The following ZHX3 variants were observed in gnomAD, a reference collection of about 807,000 sequenced individuals.
ZHX3 encodes the protein zinc fingers and homeoboxes 3, also known as zinc fingers and homeoboxes protein 3.
In ZHX3, 20 loss-of-function variants were observed where a neutral mutation model predicts 64.5. The ratio of observed to expected loss-of-function variants is 0.31; its 90% confidence interval spans 0.22 to 0.45. The LOEUF is 0.45. Among genes scored for constraint, ZHX3 ranks in the 20% least tolerant of loss-of-function variants. ZHX3 has a pLI of 1.00. For missense variants in ZHX3, 1,041 were observed against 1,195.8 expected, an observed-to-expected ratio of 0.87 and a Z score of 1.91; for synonymous variants, 423 against 461.6, an observed-to-expected ratio of 0.92 and a Z score of 1.07.
At chr20:41,270,211 A>C (rs1443915708) in intron 1 of ZHX3, among the ~76,000 whole-genome samples, 1 of 148,730 alleles carries the variant, frequency 6.7e-6, no homozygotes, top group African/African-American at 2.5e-5. Flanking sequence ...CAACATGGTG[A>C]AACCCCGTCT....
chr20:41,260,180 GA>G (rs1555853862), intron 2 of ZHX3, among the ~76,000 whole-genome samples: 347 of 103,242 alleles, frequency 3.4e-3, no homozygotes, highest in East Asian at 9.1e-3. Context: ...AGCCAAATGT[GA>G]AAAAAAAAAA....
intron 2 of ZHX3, among the ~76,000 whole-genome samples, chr20:41,267,208 CT>C (rs1239669023): frequency 2.0e-5 from 3 of 151,946 alleles, no homozygotes; most frequent in Non-Finnish European, 4.4e-5. Context: ...TATTTTATGT[CT>C]TTTTTTTAGT....
At chr20:41,294,476 C>T (rs1234646932) in intron 1 of ZHX3, among the ~76,000 whole-genome samples, 1 of 152,122 alleles carries the variant, frequency 6.6e-6, no homozygotes, top group African/African-American at 2.4e-5. Context: ...ATTCTCCTGC[C>T]TCAGCCTCCC....
chr20:41,221,957 T>C (rs1326969944), intron 2 of ZHX3, among the ~76,000 whole-genome samples: 4 of 152,200 alleles, frequency 2.6e-5, no homozygotes, highest in Non-Finnish European at 4.4e-5. Context: ...TCCATGCAGG[T>C]CCACTGCCAT....
At chr20:41,242,048 G>T (rs187549538) in intron 2 of ZHX3, among the ~76,000 whole-genome samples, 1 of 152,054 alleles carries the variant, frequency 6.6e-6, no homozygotes, top group East Asian at 1.9e-4. Context: ...ATATTTGAGT[G>T]CTACTAGATG....
At chr20:41,249,155 T>A (rs1006311593) in intron 2 of ZHX3, among the ~76,000 whole-genome samples, 1 of 152,034 alleles carries the variant, frequency 6.6e-6, no homozygotes, top group Non-Finnish European at 1.5e-5. Flanking sequence ...CATTCACAAA[T>A]GGAAAATGTT....
chr20:41,249,981 G>A (rs1209092822), intron 2 of ZHX3, among the ~76,000 whole-genome samples: 1 of 152,116 alleles, frequency 6.6e-6, no homozygotes, highest in Non-Finnish European at 1.5e-5. Context: ...ACAATACCAA[G>A]CCAGCTGGAA....
intron 3 of ZHX3, among the ~76,000 whole-genome samples, chr20:41,186,156 C>G (rs1056082836): frequency 3.3e-5 from 5 of 152,204 alleles, no homozygotes; most frequent in Admixed American, 6.5e-5. Flanking sequence ...AACAACTCCC[C>G]ATGTCCTCCA....
intron 2 of ZHX3, among the ~76,000 whole-genome samples, chr20:41,211,883 T>C (rs1481448554): frequency 6.6e-6 from 1 of 152,216 alleles, no homozygotes; most frequent in Non-Finnish European, 1.5e-5. Context: ...GTATATATCA[T>C]TGGCAAACAT....
At chr20:41,193,345 G>T (rs1418008402) in intron 3 of ZHX3, among the ~76,000 whole-genome samples, 1 of 152,252 alleles carries the variant, frequency 6.6e-6, no homozygotes, top group African/African-American at 2.4e-5. Context: ...ACATTTTGTT[G>T]TTTTCAAGAT....
rs183157488 is a variant in ZHX3 at position 41,206,580 on chromosome 20, G to T, written c.-150-1514C>A. Reference sequence around the variant, plus strand: ...TGATTGAAGATCAAATTAATGAAATGAAGCGAGAAGTTTAGAGAGAAAAGA... The same window carrying T: ...TGATTGAAGATCAAATTAATGAAATTAAGCGAGAAGTTTAGAGAGAAAAGA... On this transcript the variant is annotated intron_variant, in intron 2 of 3. Transcript: ENST00000683867. Among the ~76,000 whole-genome samples the T allele has an allele frequency of 2.0e-4, 31 of 152,212 alleles. No homozygotes were observed. The East Asian group carries it at 5.8e-3, about 28-fold the overall frequency.
intron 1 of ZHX3, among the ~76,000 whole-genome samples, chr20:41,310,155 C>G (rs1258503648): frequency 6.6e-6 from 1 of 152,120 alleles, no homozygotes; most frequent in Non-Finnish European, 1.5e-5. Flanking sequence ...CCCAGCAAAC[C>G]CCAACCCTGG....
At chr20:41,313,973 T>C (rs1470937784) in intron 1 of ZHX3, among the ~76,000 whole-genome samples, 5 of 152,196 alleles carry the variant, frequency 3.3e-5, no homozygotes, top group Admixed American at 1.3e-4. Context: ...TCTTGTATAT[T>C]TGGAGGATAA....
At chr20:41,189,430 A>G (rs983124722) in intron 3 of ZHX3, among the ~76,000 whole-genome samples, 1 of 152,202 alleles carries the variant, frequency 6.6e-6, no homozygotes, top group African/African-American at 2.4e-5. Flanking sequence ...TGCTTTGGAC[A>G]GTGTGGCCAT....
intron 1 of ZHX3, among the ~76,000 whole-genome samples, chr20:41,276,832 T>C (rs1387524844): frequency 6.6e-6 from 1 of 152,162 alleles, no homozygotes; most frequent in Non-Finnish European, 1.5e-5. Flanking sequence ...AATTTTTAAA[T>C]AGCCAAAACC....
rs772578585 is a variant in ZHX3, at chr20:41,178,478, A to G, written c.*6713T>C. On this transcript the variant is annotated 3_prime_UTR_variant, in exon 4 of 4. Coordinates refer to ENST00000683867, the MANE Select transcript of ZHX3 (RefSeq NM_001384317.1). ...AATATATTTATGTTTTTATTTAGGA[A>G]TAATCAAAAGGTTTGAAGTACCATT... 20 of 152,626 alleles carry G rather than the reference A, an allele frequency of 1.3e-4. No homozygotes were observed. The highest frequency in any genetic ancestry group is 4.6e-4 in the African/African-American group (19 of 41,458). 9.5% of individuals were successfully genotyped at this position (152,626 alleles called of 1,614,324 possible).
chr20:41,223,331 T>C (rs2040069707), intron 2 of ZHX3, among the ~76,000 whole-genome samples: 1 of 152,208 alleles, frequency 6.6e-6, no homozygotes, highest in Admixed American at 6.5e-5. Flanking sequence ...GCTGATATAC[T>C]TTGCACAATG....
rs548062896 is a variant in ZHX3, at chr20:41,219,072, T to C, written c.-150-14006A>G. Among the ~76,000 whole-genome samples the C allele has an allele frequency of 1.3e-5, 2 of 152,014 alleles. No homozygotes were observed. The highest frequency in any genetic ancestry group is 2.1e-4 in the South Asian group (1 of 4,810). On this transcript the variant is annotated intron_variant, in intron 2 of 3. Transcript: ENST00000683867. This position sits in a 1 kb window ranked among gnomAD's most constrained non-coding sequence, Gnocchi z 5.0. ...AGCCTCCCAAGTAGCTGGGACTACATGTGTCTGCCACCACGCCCAGCTAAT... is the reference window on the plus strand; with the variant it reads ...AGCCTCCCAAGTAGCTGGGACTACACGTGTCTGCCACCACGCCCAGCTAAT...
rs902367104 is a variant in ZHX3, at chr20:41,228,549, T to C, written c.-150-23483A>G. ...TGTCTGGTGAGGGCCTACTTCCTCA[T>C]AGACAGACAACTTCCCACTGTCCTC... On this transcript the variant is annotated intron_variant, in intron 2 of 3. Transcript: ENST00000683867. This position sits in a 1 kb window ranked among gnomAD's most constrained non-coding sequence, Gnocchi z 4.6. Among the ~76,000 whole-genome samples the C allele has an allele frequency of 6.6e-6, 1 of 152,170 alleles. No homozygotes were observed. Among genetic ancestry groups the C allele is most frequent in the Admixed American group, 6.5e-5 (1 of 15,276 alleles).
Sources: gnomAD v4.1 joint callset for allele counts (sites outside exome capture counted in the v4.1 genomes callset) on GRCh38, gnomAD v4.1.1 for gene constraint, Gnocchi (gnomAD v3.1) non-coding constraint, MANE v1.5 for transcripts, NCBI Gene and HGNC (gene_info 2026-07-23, HGNC 2026-07-21) for gene names.